The following VWA8 variants were observed in gnomAD, a reference collection of about 807,000 sequenced individuals.
The protein encoded by VWA8 is von Willebrand factor A domain containing 8.
A neutral mutation model predicts 241.5 loss-of-function variants in VWA8; 221 were observed. The ratio of observed to expected loss-of-function variants is 0.91; its 90% CI spans 0.82 to 1.02. The LOEUF (loss-of-function observed/expected upper bound fraction) is 1.02, where lower values mean the gene tolerates loss of function less well. Among genes scored for constraint, VWA8 ranks in the 50% least tolerant of loss-of-function variants. The pLI is 0.00. For synonymous variants in VWA8, 852 were observed against 827.1 expected (o/e 1.03, Z -0.52); for missense variants, 2,322 against 2,328.7 (o/e 1.00, Z 0.06).
chr13:41,709,446 A>G (rs2045302819), intron 26 of VWA8, among the ~76,000 whole-genome samples: 1 of 152,210 alleles, frequency 6.6e-6, no homozygotes, highest in African/African-American at 2.4e-5. Context: ...GAAAACCAAA[A>G]AGGAGTCTTT....
intron 27 of VWA8, among the ~76,000 whole-genome samples, chr13:41,701,983 A>C (rs767579733): frequency 2.0e-5 from 3 of 152,242 alleles, no homozygotes; most frequent in Non-Finnish European, 4.4e-5. Context: ...GGGTATTTTA[A>C]ATTAAATGCA....
chr13:41,832,748 G>A (rs11842643), intron 13 of VWA8, among the ~76,000 whole-genome samples: 16,280 of 152,038 alleles, frequency 0.11, 1,186 homozygotes, highest in African/African-American at 0.22. Context: ...AGTTACACAC[G>A]AAGAGCCTTC....
intron 17 of VWA8, among the ~76,000 whole-genome samples, chr13:41,801,219 A>G (rs1363159621): frequency 6.6e-6 from 1 of 152,006 alleles, no homozygotes. Flanking sequence ...CAGTCTGCAG[A>G]ATGCTTTGAA....
intron 43 of VWA8, among the ~76,000 whole-genome samples, chr13:41,572,785 A>G (rs1419990905): frequency 7.1e-6 from 1 of 141,792 alleles, no homozygotes. Flanking sequence ...CCCAAGAATG[A>G]TCAATAAATA....
chr13:41,797,668 G>A (rs1593778965), intron 17 of VWA8, among the ~76,000 whole-genome samples: 1 of 152,008 alleles, frequency 6.6e-6, no homozygotes, highest in South Asian at 2.1e-4. Flanking sequence ...TGAATTTTTT[G>A]TTCATCTTCT....
intron 37 of VWA8, among the ~76,000 whole-genome samples, chr13:41,641,017 A>G (rs749263908): frequency 5.9e-5 from 9 of 152,202 alleles, no homozygotes; most frequent in Non-Finnish European, 1.0e-4. Context: ...AAGTCCTCCT[A>G]TTCTGTCCTG....
At chr13:41,800,836 A>G (rs980269374) in intron 17 of VWA8, among the ~76,000 whole-genome samples, 3 of 151,782 alleles carry the variant, frequency 2.0e-5, no homozygotes, top group Admixed American at 6.6e-5. Context: ...GAGATCCATT[A>G]AATTTCCCAC....
At chr13:41,759,268 A>G (rs1236433424) in intron 21 of VWA8, among the ~76,000 whole-genome samples, 1 of 151,608 alleles carries the variant, frequency 6.6e-6, no homozygotes, top group Admixed American at 6.6e-5. Context: ...ATTGTGGTTC[A>G]TATTTATTTC....
intron 20 of VWA8, among the ~76,000 whole-genome samples, chr13:41,762,125 T>C (rs1468174912): frequency 6.6e-6 from 1 of 152,072 alleles, no homozygotes; most frequent in African/African-American, 2.4e-5. Flanking sequence ...ACAGAAATGC[T>C]CATTGGAGCA....
intron 12 of VWA8, among the ~76,000 whole-genome samples, chr13:41,842,377 T>G (rs1872096360): frequency 6.6e-6 from 1 of 152,226 alleles, no homozygotes; most frequent in African/African-American, 2.4e-5. Context: ...TAAAGAACTA[T>G]TTTTAACCTG....
At chr13:41,615,171 G>C (rs144329205) in intron 37 of VWA8, 87 bp from the exon 38 acceptor site, 28 of 1,348,074 alleles carry the variant, frequency 2.1e-5, no homozygotes, top group Non-Finnish European at 2.7e-5. Context: ...TTTCTCCTAA[G>C]TCCTTAAGGT....
At chr13:41,876,574 T>TA (rs1263196105) in intron 9 of VWA8, among the ~76,000 whole-genome samples, 1 of 152,136 alleles carries the variant, frequency 6.6e-6, no homozygotes, top group Non-Finnish European at 1.5e-5. Flanking sequence ...ATATATTATA[T>TA]ACTTATTTAC....
chr13:41,948,857 G>A (rs531355898), intron 2 of VWA8, among the ~76,000 whole-genome samples: 3 of 152,004 alleles, frequency 2.0e-5, no homozygotes, highest in Admixed American at 2.0e-4. Context: ...ACTGTGGTAT[G>A]TTTATACAAT....
At position 41,857,403 on chromosome 13, in the gene VWA8, T is replaced by C. The variant is rs1230595296; in HGVS notation, c.1425+8333A>G. ...AGAGAAGCATCCATATCATATTTTT[T>C]CCAATAAAGTACACTTGTGAAGTAA... On this transcript the variant is annotated intron_variant, in intron 12 of 44. Transcript: ENST00000379310. 2.0e-5 allele frequency among the ~76,000 whole-genome samples: 3 copies of C among 152,306 alleles called. No individual in the cohort carries two copies. In the East Asian group the frequency reaches 5.8e-4, roughly 29 times the overall value.
intron 12 of VWA8, among the ~76,000 whole-genome samples, chr13:41,838,467 G>A (rs750485455): frequency 2.6e-4 from 39 of 152,040 alleles, no homozygotes; most frequent in Non-Finnish European, 5.1e-4. Context: ...ATTGCTTGTA[G>A]CAAAAGTAGA....
rs1246917442 is a variant in VWA8 at position 41,732,164 on chromosome 13, A to C, written c.2427-9T>G. 6.2e-7 allele frequency: 1 copy of C among 1,606,398 alleles called. No individual in the cohort carries two copies. ...TTTGTACTGTGGTATCCCTAAAGTA[A>C]AACCAACACATTTTATAGTTAGGAA... On this transcript the variant is annotated splice_polypyrimidine_tract_variant and intron_variant, in intron 21 of 44. Coordinates refer to ENST00000379310, the MANE Select transcript of VWA8 (RefSeq NM_015058.2).
intron 12 of VWA8, among the ~76,000 whole-genome samples, chr13:41,843,597 G>A (rs574540790): frequency 5.9e-5 from 9 of 152,022 alleles, no homozygotes; most frequent in South Asian, 2.1e-4. Context: ...GACCACTAGC[G>A]AAATTAATAA....
intron 29 of VWA8, 37 bp from the exon 30 acceptor site, chr13:41,693,009 G>GTTA: frequency 5.2e-5 from 55 of 1,057,678 alleles, no homozygotes; most frequent in Non-Finnish European, 6.1e-5. Flanking sequence ...CTCAAGATTT[G>GTTA]TTCTTTTTTT....
At chr13:41,647,187 C>T (rs913323615) in intron 37 of VWA8, among the ~76,000 whole-genome samples, 1 of 152,158 alleles carries the variant, frequency 6.6e-6, no homozygotes, top group African/African-American at 2.4e-5. Context: ...TGCCCCAGAA[C>T]ATGAAGATCA....
Sources: allele counts gnomAD v4.1 joint callset (sites outside exome capture counted in the v4.1 genomes callset), GRCh38; gene constraint gnomAD v4.1.1; transcripts MANE v1.5; gene names NCBI Gene and HGNC (gene_info 2026-07-23, HGNC 2026-07-21).